IQCJ: variants seen among roughly 807,000 people sequenced by gnomAD.
The protein encoded by IQCJ is IQ motif containing J, also known as IQ domain-containing protein J.
In IQCJ, 9 loss-of-function variants were observed where a neutral mutation model predicts 11.0. The ratio of observed to expected loss-of-function variants is 0.82; its 90% CI spans 0.49 to 1.43. IQCJ has a LOEUF of 1.43. Ranked by LOEUF, IQCJ falls within the 40% of genes most tolerant of loss-of-function variation. IQCJ has a pLI of 0.00. For synonymous variants in IQCJ, 55 were observed against 51.3 expected, an observed-to-expected ratio of 1.07 and a Z score of -0.31; for missense variants, 146 against 133.2, an observed-to-expected ratio of 1.10 and a Z score of -0.47.
intron 2 of IQCJ, among the ~76,000 whole-genome samples, chr3:159,249,775 C>T (rs1269197499): frequency 6.6e-6 from 1 of 152,212 alleles, no homozygotes; most frequent in Admixed American, 6.5e-5. Context: ...GTTATTCCCC[C>T]TTGGAACATT....
intron 1 of IQCJ, among the ~76,000 whole-genome samples, chr3:159,082,264 G>A (rs1043695966): frequency 2.0e-5 from 3 of 151,748 alleles, no homozygotes; most frequent in Admixed American, 6.6e-5. Flanking sequence ...AATAACAAAT[G>A]TATTGAGCAC....
At chr3:159,132,194 T>C (rs969608245) in intron 1 of IQCJ, among the ~76,000 whole-genome samples, 1 of 152,196 alleles carries the variant, frequency 6.6e-6, no homozygotes, top group Non-Finnish European at 1.5e-5. Flanking sequence ...TGTTTGTTTG[T>C]TTTTTAAGAT....
chr3:159,082,072 G>T (rs181847147), intron 1 of IQCJ, among the ~76,000 whole-genome samples: 1 of 152,126 alleles, frequency 6.6e-6, no homozygotes, highest in East Asian at 1.9e-4. Flanking sequence ...AATTTGAACA[G>T]CCAATTTAGT....
intron 1 of IQCJ, among the ~76,000 whole-genome samples, chr3:159,127,046 T>C (rs1458189515): frequency 6.6e-6 from 1 of 152,168 alleles, no homozygotes; most frequent in Non-Finnish European, 1.5e-5. Context: ...GTGGCACAGA[T>C]TAGGGAGCAC....
Position 159,263,726 on chromosome 3 carries a change from G to A in IQCJ, c.*995G>A. ...GTATTTGAAATGTTTTCAGATGGTT[G>A]CATTGCATATTCTTCAATAAATGGT... On this transcript the variant is annotated 3_prime_UTR_variant, in exon 4 of 4. Coordinates refer to ENST00000397832, the MANE Select transcript of IQCJ (RefSeq NM_001042706.3). 1 of 985,046 alleles carries A rather than the reference G, an allele frequency of 1.0e-6. No individual in the cohort carries two copies. 61.0% of individuals were successfully genotyped at this position (985,046 alleles called of 1,614,324 possible).
intron 1 of IQCJ, among the ~76,000 whole-genome samples, chr3:159,075,419 C>T (rs942640233): frequency 3.9e-5 from 6 of 152,050 alleles, no homozygotes; most frequent in African/African-American, 1.4e-4. Context: ...GCCTAACAAG[C>T]TGTGACAATC....
chr3:159,122,712 A>AT (rs768873220), intron 1 of IQCJ, among the ~76,000 whole-genome samples: 2 of 152,194 alleles, frequency 1.3e-5, no homozygotes, highest in African/African-American at 2.4e-5. Context: ...AAAAATCCAG[A>AT]TTTTTTATTA....
At chr3:159,089,551 G>A (rs1364857677) in intron 1 of IQCJ, among the ~76,000 whole-genome samples, 1 of 151,816 alleles carries the variant, frequency 6.6e-6, no homozygotes. Context: ...TCACTTTCAG[G>A]TACACCAATC....
chr3:159,144,358 T>C (rs1720799049), intron 1 of IQCJ, among the ~76,000 whole-genome samples: 1 of 152,214 alleles, frequency 6.6e-6, no homozygotes, highest in African/African-American at 2.4e-5. Flanking sequence ...GAAGGTTGTG[T>C]GTGTTCAAGC....
chr3:159,116,058 T>C (rs539825560), intron 1 of IQCJ, among the ~76,000 whole-genome samples: 1 of 152,070 alleles, frequency 6.6e-6, no homozygotes, highest in Non-Finnish European at 1.5e-5. Context: ...ACCCCAGAAC[T>C]TCAAGTATAA....
At chr3:159,101,089 C>T (rs1211653575) in intron 1 of IQCJ, among the ~76,000 whole-genome samples, 113 of 117,994 alleles carry the variant, frequency 9.6e-4, no homozygotes, top group Non-Finnish European at 1.1e-3. Context: ...TTTCTTAAGC[C>T]GGTCTGAAAA....
At chr3:159,183,590 G>A (rs1204153457) in intron 1 of IQCJ, among the ~76,000 whole-genome samples, 1 of 152,134 alleles carries the variant, frequency 6.6e-6, no homozygotes, top group African/African-American at 2.4e-5. Context: ...TAACAAATAA[G>A]CCTTGAAATA....
rs142289352 is a variant in IQCJ at position 159,117,950 on chromosome 3, C to G, written c.9+48509C>G. On this transcript the variant is annotated intron_variant, in intron 1 of 3. Transcript: ENST00000397832. ...TTTTCATAATTACTCCGTGATGCGC[C>G]TTACCCCCAGCTCTGCCTTAAGATG... 3.5e-4 allele frequency among the ~76,000 whole-genome samples: 54 copies of G among 152,252 alleles called. No individual in the cohort carries two copies. The South Asian group carries it at 6.4e-3, about 18-fold the overall frequency.
rs556682846 is a variant in IQCJ at position 159,262,907 on chromosome 3, A to G, written c.*176A>G. On this transcript the variant is annotated 3_prime_UTR_variant, in exon 4 of 4. Coordinates refer to ENST00000397832, the MANE Select transcript of IQCJ (RefSeq NM_001042706.3). ...GAACTTTATCAAGTCTGGAGAAAATAGATTGCATTTATGTGTTCTCATTTC... is the reference window on the plus strand; with the variant it reads ...GAACTTTATCAAGTCTGGAGAAAATGGATTGCATTTATGTGTTCTCATTTC... 1 of 1,381,104 alleles carries G rather than the reference A, an allele frequency of 7.2e-7. No individual in the cohort carries two copies. Among genetic ancestry groups the G allele is most frequent in the African/African-American group, 1.4e-5 (1 of 69,350 alleles). 85.6% of individuals were successfully genotyped at this position (1,381,104 alleles called of 1,614,324 possible).
chr3:159,229,373 G>A (rs531645382), intron 1 of IQCJ, among the ~76,000 whole-genome samples: 1 of 152,032 alleles, frequency 6.6e-6, no homozygotes, highest in Non-Finnish European at 1.5e-5. Flanking sequence ...ATCTCATTCT[G>A]TCCTGAATGT....
At chr3:159,255,929 T>C (rs924867647) in intron 3 of IQCJ, among the ~76,000 whole-genome samples, 2 of 152,168 alleles carry the variant, frequency 1.3e-5, no homozygotes, top group Non-Finnish European at 2.9e-5. Flanking sequence ...TAAAGATGAA[T>C]GTGTTCCTAA....
At chr3:159,193,166 T>C (rs978911976) in intron 1 of IQCJ, among the ~76,000 whole-genome samples, 2 of 152,170 alleles carry the variant, frequency 1.3e-5, no homozygotes, top group African/African-American at 2.4e-5. Context: ...AGTAGACACA[T>C]GGTCTGCGGA....
intron 1 of IQCJ, among the ~76,000 whole-genome samples, chr3:159,104,362 C>T (rs764093568): frequency 3.9e-5 from 6 of 152,184 alleles, no homozygotes; most frequent in Non-Finnish European, 7.3e-5. Context: ...CCCTCTTCCC[C>T]AAATCACCCA....
intron 1 of IQCJ, among the ~76,000 whole-genome samples, chr3:159,104,975 T>C (rs1718161366): frequency 6.6e-6 from 1 of 152,210 alleles, no homozygotes; most frequent in Non-Finnish European, 1.5e-5. Context: ...AATGGTTCAC[T>C]TCTCAGTAAT....
Sources: gnomAD v4.1 joint callset for allele counts (sites outside exome capture counted in the v4.1 genomes callset) on GRCh38, gnomAD v4.1.1 for gene constraint, MANE v1.5 for transcripts, NCBI Gene and HGNC (gene_info 2026-07-23, HGNC 2026-07-21) for gene names.